MAMLD1: variants seen among roughly 807,000 people sequenced by gnomAD.
MAMLD1 encodes mastermind-like domain-containing protein 1.
MAMLD1 carries 14 observed loss-of-function variants against 45.0 expected under a neutral mutation model. The ratio of observed to expected loss-of-function variants is 0.31; its 90% CI spans 0.21 to 0.49. The LOEUF is 0.49. Ranked by LOEUF, MAMLD1 falls within the 20% of genes least tolerant of loss-of-function variation. The probability of loss-of-function intolerance (pLI) is 0.99; values close to 1 mark genes in which losing one functional copy is unlikely to be tolerated. For synonymous variants in MAMLD1, 254 were observed against 247.8 expected, an observed-to-expected ratio of 1.02 and a Z score of -0.24; for missense variants, 543 against 603.6, an observed-to-expected ratio of 0.90 and a Z score of 1.05.
At chrX:150,505,076 T>C in intron 6 of MAMLD1, 1 of 753,982 alleles carries the variant, frequency 1.3e-6, no homozygotes, top group Non-Finnish European at 1.6e-6. Flanking sequence ...ATAGATCATG[T>C]GGGAAGACAG....
At chrX:150,465,285 T>G (rs1557405832) in intron 3 of MAMLD1, among the ~76,000 whole-genome samples, 1 of 112,233 alleles carries the variant, frequency 8.9e-6, no homozygotes, top group Admixed American at 9.4e-5. Flanking sequence ...TCTAAGAAAT[T>G]TTTCCCCTTT....
intron 1 of MAMLD1, among the ~76,000 whole-genome samples, chrX:150,367,947 G>T (rs1409634270): frequency 2.1e-4 from 23 of 111,141 alleles, no homozygotes; most frequent in African/African-American, 4.9e-4. Context: ...ATTTTCTTAA[G>T]CCAGTCTATC....
rs1390518193 is a variant in MAMLD1 at position 150,513,474 on chromosome X, A to G, written c.*1515A>G. ...GCTGAGTCGCTTATGGTTTTAATGC[A>G]ATGAGCAATGTGGATATGACCAAGA... On this transcript the variant is annotated 3_prime_UTR_variant, in exon 8 of 8. Transcript: ENST00000370401. 1 of 293,616 alleles carries G rather than the reference A, an allele frequency of 3.4e-6. No homozygotes were observed. Among genetic ancestry groups the G allele is most frequent in the Admixed American group, 5.6e-5 (1 of 17,946 alleles). The allele number at this position is 293,616 out of a possible 1,213,427, so 24.2% of individuals were successfully genotyped here. A position where few individuals can be genotyped will look rare whatever the true frequency, so the allele number is the denominator to read the frequency against.
chrX:150,391,057 A>T (rs2033155926), intron 1 of MAMLD1, among the ~76,000 whole-genome samples: 1 of 111,777 alleles, frequency 8.9e-6, no homozygotes, highest in Non-Finnish European at 1.9e-5. Flanking sequence ...TCTTTAAGTA[A>T]TGTGCCATTA....
chrX:150,484,313 C>A (rs781884095), intron 5 of MAMLD1, among the ~76,000 whole-genome samples: 44 of 111,904 alleles, frequency 3.9e-4, no homozygotes, highest in Non-Finnish European at 7.3e-4. Flanking sequence ...TTCTTTTATT[C>A]TTTTGTTTGC....
intron 5 of MAMLD1, among the ~76,000 whole-genome samples, chrX:150,493,746 G>C (rs57916836): frequency 9.0e-6 from 1 of 111,704 alleles, no homozygotes; most frequent in Admixed American, 9.5e-5. Context: ...TGGCTCATCT[G>C]TTTTGTGTTG....
At chrX:150,413,824 G>A (rs969732905) in intron 1 of MAMLD1, among the ~76,000 whole-genome samples, 1 of 109,689 alleles carries the variant, frequency 9.1e-6, no homozygotes, top group Non-Finnish European at 1.9e-5. Context: ...CATAGAATAG[G>A]AGAATGATCT....
chrX:150,449,903 G>T (rs1217078017), intron 2 of MAMLD1, among the ~76,000 whole-genome samples: 7 of 111,828 alleles, frequency 6.3e-5, no homozygotes, highest in Non-Finnish European at 1.1e-4. Flanking sequence ...GTGCACATTC[G>T]CTCATTTGCT....
chrX:150,495,673 G>A (rs1211699732), intron 5 of MAMLD1, among the ~76,000 whole-genome samples: 6 of 112,266 alleles, frequency 5.3e-5, no homozygotes, highest in African/African-American at 1.9e-4. Context: ...AGATGCCTGG[G>A]GACACAGAGT....
chrX:150,440,041 A>T (rs2035245519), intron 1 of MAMLD1, among the ~76,000 whole-genome samples: 1 of 111,493 alleles, frequency 9.0e-6, no homozygotes, highest in African/African-American at 3.3e-5. Context: ...TTTGATTACT[A>T]TTGCTTTGTG....
At chrX:150,369,222 G>GTTTCCCAGC (rs1454583463) in intron 1 of MAMLD1, among the ~76,000 whole-genome samples, 22 of 109,550 alleles carry the variant, frequency 2.0e-4, no homozygotes, top group Non-Finnish European at 3.6e-4. Flanking sequence ...GGAAACTTGT[G>GTTTCCCAGC]TTCTAGAAAG....
Position 150,512,290 on chromosome X carries a change from G to C in MAMLD1, c.*331G>C, listed in dbSNP as rs2037923342. 2 of 1,121,641 alleles carry C rather than the reference G, an allele frequency of 1.8e-6. No individual in the cohort carries two copies. The highest frequency in any genetic ancestry group is 3.6e-5 in the African/African-American group (2 of 55,026). 92.4% of individuals were successfully genotyped at this position (1,121,641 alleles called of 1,213,427 possible). A position where few individuals can be genotyped will look rare whatever the true frequency, so the allele number is the denominator to read the frequency against. Reference sequence around the variant, plus strand: ...TCTGCCAGCATATGCAGAGTCCCAAGGCCACCCCACCAGAAGTGCCCCTGC... The same window carrying C: ...TCTGCCAGCATATGCAGAGTCCCAACGCCACCCCACCAGAAGTGCCCCTGC... On this transcript the variant is annotated 3_prime_UTR_variant, in exon 8 of 8. Coordinates refer to ENST00000370401, the MANE Select transcript of MAMLD1 (RefSeq NM_005491.5).
chrX:150,485,270 A>G (rs1194994449), intron 5 of MAMLD1, among the ~76,000 whole-genome samples: 1 of 110,943 alleles, frequency 9.0e-6, no homozygotes, highest in African/African-American at 3.3e-5. Context: ...CCTGAACTTG[A>G]TTTATGTCTA....
intron 1 of MAMLD1, among the ~76,000 whole-genome samples, chrX:150,427,053 C>T (rs1405818350): frequency 3.6e-5 from 4 of 111,461 alleles, no homozygotes; most frequent in Non-Finnish European, 7.5e-5. Context: ...TGGCTTGAGG[C>T]AGCAGAGCTC....
intron 1 of MAMLD1, among the ~76,000 whole-genome samples, chrX:150,396,282 C>T (rs1191142897): frequency 9.4e-6 from 1 of 106,742 alleles, no homozygotes; most frequent in Non-Finnish European, 1.9e-5. Context: ...AGGTGTGAGC[C>T]ACCATGCCTA....
At chrX:150,435,808 G>A (rs2035105972) in intron 1 of MAMLD1, among the ~76,000 whole-genome samples, 1 of 112,312 alleles carries the variant, frequency 8.9e-6, no homozygotes. Context: ...GCTTTATAGT[G>A]TCACTGGTCT....
intron 3 of MAMLD1, 104 bp downstream of exon 3, chrX:150,462,950 T>G (rs1472060878): frequency 1.6e-6 from 1 of 612,183 alleles, no homozygotes; most frequent in African/African-American, 2.2e-5. Flanking sequence ...ACAAGGTCCT[T>G]TAAGAGAGGC....
At chrX:150,403,976 G>GAAAGAAAGAA (rs2033920791) in intron 1 of MAMLD1, among the ~76,000 whole-genome samples, 1 of 92,313 alleles carries the variant, frequency 1.1e-5, no homozygotes, top group Non-Finnish European at 2.1e-5. Context: ...AAGAAAGAAA[G>GAAAGAAAGAA]AAAGAAAGAA....
rs1283431682 is a variant in MAMLD1, at chrX:150,509,987, T to C, written c.2310T>C (p.Tyr770=). The C allele has an allele frequency of 2.5e-6, 3 of 1,202,975 alleles. No homozygotes were observed. Among genetic ancestry groups the C allele is most frequent in the Middle Eastern group, 2.3e-4 (1 of 4,355 alleles). The change falls in exon 7 of 8, where the codon TAT becomes TAC. Residue 770 remains tyrosine, a synonymous_variant. Transcript: ENST00000370401. ...ATARGTEIRS[Y]GNDP ...CAAGAGGAACAGAGATCAGGTCTTA[T>C]GGCAATGACCCCTGAACGGCAGAAT...
Sources: gnomAD v4.1 joint callset for allele counts (sites outside exome capture counted in the v4.1 genomes callset) on GRCh38, gnomAD v4.1.1 for gene constraint, MANE v1.5 for transcripts, NCBI Gene and HGNC (gene_info 2026-07-23, HGNC 2026-07-21) for gene names.